The following RBMS1 variants were observed in gnomAD, a reference collection of about 807,000 sequenced individuals.
RBMS1 encodes RNA binding motif single stranded interacting protein 1.
RBMS1 carries 17 observed loss-of-function variants against 62.3 expected under a neutral mutation model. The ratio of observed to expected loss-of-function variants is 0.27; its 90% CI spans 0.19 to 0.41. The LOEUF (loss-of-function observed/expected upper bound fraction) is 0.41, where lower values mean the gene tolerates loss of function less well. Among genes scored for constraint, RBMS1 ranks in the 10% least tolerant of loss-of-function variants. The pLI, the probability that RBMS1 is intolerant of heterozygous loss-of-function variation, is 1.00. For missense variants in RBMS1, 334 were observed against 504.5 expected (o/e 0.66, Z 3.24); for synonymous variants, 172 against 170.0 (o/e 1.01, Z -0.09).
intron 6 of RBMS1, among the ~76,000 whole-genome samples, chr2:160,297,403 A>G (rs1688994380): frequency 6.6e-6 from 1 of 152,230 alleles, no homozygotes; most frequent in African/African-American, 2.4e-5. Flanking sequence ...TGTTAAGAAC[A>G]TGGTATTGGC....
chr2:160,355,013 T>C (rs888054774), intron 2 of RBMS1, among the ~76,000 whole-genome samples: 1 of 152,118 alleles, frequency 6.6e-6, no homozygotes, highest in South Asian at 2.1e-4. Flanking sequence ...TCTCACGAAA[T>C]TTCGTCTCAA....
chr2:160,336,019 C>T (rs1393379264), intron 2 of RBMS1, among the ~76,000 whole-genome samples: 1 of 152,286 alleles, frequency 6.6e-6, no homozygotes, highest in African/African-American at 2.4e-5. Flanking sequence ...TTATTTTACA[C>T]TGAGCAGCTC....
chr2:160,467,975 C>G (rs553876580), intron 1 of RBMS1, among the ~76,000 whole-genome samples: 1 of 152,176 alleles, frequency 6.6e-6, no homozygotes, highest in East Asian at 1.9e-4. Context: ...AAACCTCAAG[C>G]AGGTAATTTA....
intron 1 of RBMS1, among the ~76,000 whole-genome samples, chr2:160,382,321 T>C (rs1031608242): frequency 6.6e-6 from 1 of 152,166 alleles, no homozygotes; most frequent in Admixed American, 6.5e-5. Flanking sequence ...TCACTTGAAA[T>C]TTATTATATT....
intron 2 of RBMS1, among the ~76,000 whole-genome samples, chr2:160,342,076 C>T (rs1691902829): frequency 6.6e-6 from 1 of 152,160 alleles, no homozygotes. Flanking sequence ...TCTGACCCTT[C>T]TCCTCATAGA....
At chr2:160,406,430 T>A (rs777241434) in intron 1 of RBMS1, among the ~76,000 whole-genome samples, 8 of 152,238 alleles carry the variant, frequency 5.3e-5, no homozygotes, top group Non-Finnish European at 1.2e-4. Flanking sequence ...ACGGTCTGCA[T>A]GGAAGGCTAC....
chr2:160,286,868 G>A, intron 7 of RBMS1, 101 bp downstream of exon 7: 2 of 1,567,418 alleles, frequency 1.3e-6, no homozygotes, highest in East Asian at 2.3e-5. Flanking sequence ...TATTTCAGAA[G>A]TGTGCAGCCA....
chr2:160,421,282 G>A (rs1350971155), intron 1 of RBMS1, among the ~76,000 whole-genome samples: 2 of 151,584 alleles, frequency 1.3e-5, no homozygotes, highest in South Asian at 4.1e-4. Flanking sequence ...ATCTCCTAAT[G>A]CTATTCCCTC....
chr2:160,374,237 AGAGC>A (rs976909248), intron 1 of RBMS1, among the ~76,000 whole-genome samples: 1 of 152,230 alleles, frequency 6.6e-6, no homozygotes, highest in African/African-American at 2.4e-5. Flanking sequence ...CCTGGGTAAC[AGAGC>A]GAGACCTTGT....
chr2:160,382,007 C>T (rs951811410), intron 1 of RBMS1, among the ~76,000 whole-genome samples: 1 of 152,198 alleles, frequency 6.6e-6, no homozygotes, highest in Non-Finnish European at 1.5e-5. Context: ...CAAATCTCCC[C>T]TACCAGCCTG....
At chr2:160,392,567 T>C (rs1694922165) in intron 1 of RBMS1, among the ~76,000 whole-genome samples, 1 of 152,086 alleles carries the variant, frequency 6.6e-6, no homozygotes, top group Non-Finnish European at 1.5e-5. Flanking sequence ...ATAATCCCAA[T>C]TCCATTAGTA....
chr2:160,402,868 A>G (rs1695510290), intron 1 of RBMS1, among the ~76,000 whole-genome samples: 1 of 152,232 alleles, frequency 6.6e-6, no homozygotes, highest in South Asian at 2.1e-4. Context: ...CATCCTTAAA[A>G]TATTTATTTA....
At chr2:160,342,920 A>G (rs1486525684) in intron 2 of RBMS1, among the ~76,000 whole-genome samples, 1 of 152,178 alleles carries the variant, frequency 6.6e-6, no homozygotes, top group African/African-American at 2.4e-5. Context: ...CCTGGGCAAC[A>G]AGAGTGAGAC....
chr2:160,353,139 C>G (rs997585161), intron 2 of RBMS1, among the ~76,000 whole-genome samples: 1 of 152,060 alleles, frequency 6.6e-6, no homozygotes, highest in African/African-American at 2.4e-5. Context: ...TTGAGTTTAT[C>G]AAAACTGTCT....
chr2:160,434,561 G>T (rs1484575467), intron 1 of RBMS1, among the ~76,000 whole-genome samples: 2 of 151,996 alleles, frequency 1.3e-5, no homozygotes, highest in East Asian at 3.8e-4. Flanking sequence ...AATTTTCTGT[G>T]ACGATGAAAA....
At chr2:160,435,303 C>A (rs993629619) in intron 1 of RBMS1, among the ~76,000 whole-genome samples, 1 of 151,924 alleles carries the variant, frequency 6.6e-6, no homozygotes, top group Non-Finnish European at 1.5e-5. Context: ...AGTTATTATG[C>A]CTTATGTGTG....
chr2:160,343,935 G>T (rs576162681), intron 2 of RBMS1, among the ~76,000 whole-genome samples: 31 of 152,132 alleles, frequency 2.0e-4, no homozygotes, highest in African/African-American at 7.0e-4. Context: ...CATAGGAATC[G>T]CAAATATGTT....
chr2:160,391,904 G>A (rs924166447), intron 1 of RBMS1, among the ~76,000 whole-genome samples: 8 of 151,930 alleles, frequency 5.3e-5, no homozygotes, highest in African/African-American at 1.5e-4. Context: ...AGGTTGCACC[G>A]AGCTGAGATC....
Position 160,380,380 on chromosome 2 carries a change from G to T in RBMS1, c.76-12989C>A, listed in dbSNP as rs372766077. Among the ~76,000 whole-genome samples, 20 of 152,226 alleles carry T rather than the reference G, an allele frequency of 1.3e-4. No homozygotes were observed. In the East Asian group the frequency reaches 2.5e-3, roughly 19 times the overall value. On this transcript the variant is annotated intron_variant, in intron 1 of 13. Transcript: ENST00000348849. ...CACTATGGTGGACCCCTGCCCAGAG[G>T]ACAGGGCAGACAGGAACAGCATTCT...
Sources: gnomAD v4.1 joint callset for allele counts (sites outside exome capture counted in the v4.1 genomes callset) on GRCh38, gnomAD v4.1.1 for gene constraint, MANE v1.5 for transcripts, NCBI Gene and HGNC (gene_info 2026-07-23, HGNC 2026-07-21) for gene names.